The following TNR variants were observed in gnomAD, a reference collection of about 807,000 sequenced individuals.
TNR encodes tenascin R.
A neutral mutation model predicts 150.4 loss-of-function variants in TNR; 45 were observed. The observed-to-expected ratio is 0.30, with a 90% CI of 0.24 to 0.38. The LOEUF is 0.38. TNR is among the 10% of genes least tolerant of loss of function. TNR has a pLI of 1.00. For synonymous variants in TNR, 687 were observed against 678.4 expected (o/e 1.01, Z -0.20); for missense variants, 1,544 against 1,759.1 (o/e 0.88, Z 2.19).
chr1:175,489,383 G>A (rs1235533163), intron 2 of TNR, among the ~76,000 whole-genome samples: 1 of 152,206 alleles, frequency 6.6e-6, no homozygotes, highest in Non-Finnish European at 1.5e-5. Flanking sequence ...ATCCTCGATG[G>A]GGAAAAGTTA....
intron 1 of TNR, among the ~76,000 whole-genome samples, chr1:175,598,105 G>A (rs889562689): frequency 6.6e-6 from 1 of 152,162 alleles, no homozygotes; most frequent in Non-Finnish European, 1.5e-5. Flanking sequence ...ATATAAGGCA[G>A]TAAGGCAAGG....
Position 175,426,917 on chromosome 1 carries a change from A to T in TNR, c.-63-20140T>A, listed in dbSNP as rs867066344. On this transcript the variant is annotated intron_variant, in intron 2 of 22. Coordinates refer to ENST00000367674, the MANE Select transcript of TNR (RefSeq NM_003285.3). The stretch of plus-strand genomic sequence containing the variant: ...ATATATAAAATATATTATATATATA[A>T]AATATAAATATATATAAAATATATT... Among the ~76,000 whole-genome samples, 68 of 80,316 alleles carry T rather than the reference A, an allele frequency of 8.5e-4. 6 individuals are homozygous for T. Among genetic ancestry groups the T allele is most frequent in the African/African-American group, 3.1e-3 (58 of 18,918 alleles). The allele number at this position is 80,316 out of a possible 152,430, so 52.7% of individuals were successfully genotyped here. A position where few individuals can be genotyped will look rare whatever the true frequency, so the allele number is the denominator to read the frequency against.
At chr1:175,536,474 T>G (rs1273665168) in intron 1 of TNR, among the ~76,000 whole-genome samples, 1 of 152,216 alleles carries the variant, frequency 6.6e-6, no homozygotes, top group Non-Finnish European at 1.5e-5. Flanking sequence ...GTCAGGAAAC[T>G]GAGACACAAA....
chr1:175,621,091 T>C (rs1318851528), intron 1 of TNR, among the ~76,000 whole-genome samples: 1 of 152,200 alleles, frequency 6.6e-6, no homozygotes, highest in South Asian at 2.1e-4. Context: ...GCCATCGTCC[T>C]TGACTGTTAA....
intron 2 of TNR, among the ~76,000 whole-genome samples, chr1:175,515,256 G>A (rs1659358242): frequency 6.6e-6 from 1 of 152,156 alleles, no homozygotes; most frequent in Non-Finnish European, 1.5e-5. Context: ...GACAATATAA[G>A]GTGAAACACT....
At chr1:175,717,492 T>A (rs1299704675) in intron 1 of TNR, among the ~76,000 whole-genome samples, 1 of 152,238 alleles carries the variant, frequency 6.6e-6, no homozygotes, top group African/African-American at 2.4e-5. Flanking sequence ...ACAGCGATTT[T>A]TGCCCTTCAT....
chr1:175,491,795 A>G (rs1005258118), intron 2 of TNR, among the ~76,000 whole-genome samples: 9 of 151,818 alleles, frequency 5.9e-5, no homozygotes, highest in East Asian at 1.9e-4. Context: ...GACTATAGGC[A>G]CCCACCACCA....
At chr1:175,383,085 C>T (rs1352845950) in intron 8 of TNR, among the ~76,000 whole-genome samples, 2 of 151,986 alleles carry the variant, frequency 1.3e-5, no homozygotes, top group Non-Finnish European at 2.9e-5. Context: ...CGATCTCGGC[C>T]TTCATCTTCA....
At chr1:175,435,888 C>T (rs181021989) in intron 2 of TNR, among the ~76,000 whole-genome samples, 13 of 152,276 alleles carry the variant, frequency 8.5e-5, no homozygotes, top group Middle Eastern at 6.8e-3. Context: ...ATTTCTCCTT[C>T]ACTTATGAAG....
Position 175,379,725 on chromosome 1 carries a change from G to T in TNR, c.1790C>A (p.Pro597His). 1 of 1,614,078 alleles carries T rather than the reference G, an allele frequency of 6.2e-7. No homozygotes were observed. The highest frequency in any genetic ancestry group is 1.1e-5 in the South Asian group (1 of 91,054). ...TTQFTTEIDA[P>H]KNLRVGSRTA... Reference sequence around the variant, plus strand: ...GCGAGAACCAACTCGCAAGTTCTTGGGGGCATCGATCTCTAAAAATAGACA... The same window carrying T: ...GCGAGAACCAACTCGCAAGTTCTTGTGGGCATCGATCTCTAAAAATAGACA... Residue 597 changes from proline (P) to histidine (H), a missense_variant, in exon 9 of 23, where the codon CCC becomes CAC. Pro to His is a moderately conservative substitution (Grantham distance 77, BLOSUM62 -2). Around this residue, in one of 2 missense-constraint regions of TNR, gnomAD observed 1,254 missense variants for 1,329.4 expected, o/e 0.94. Coordinates refer to ENST00000367674, the MANE Select transcript of TNR (RefSeq NM_003285.3).
intron 1 of TNR, among the ~76,000 whole-genome samples, chr1:175,619,739 T>A (rs1369554802): frequency 1.3e-5 from 2 of 152,200 alleles, no homozygotes; most frequent in South Asian, 2.1e-4. Flanking sequence ...CCAGGAAAAG[T>A]ACCCAGGTCA....
At chr1:175,391,573 G>T in intron 6 of TNR, 135 bp from the exon 7 acceptor site, 1 of 961,336 alleles carries the variant, frequency 1.0e-6, no homozygotes. Flanking sequence ...TTTCCTCCAT[G>T]CTGACAGCTG....
chr1:175,712,180 C>A (rs1430210838), intron 1 of TNR, among the ~76,000 whole-genome samples: 1 of 152,154 alleles, frequency 6.6e-6, no homozygotes. Flanking sequence ...CCCCATGAAG[C>A]AGCTACCAGA....
At chr1:175,645,550 C>T (rs1664787242) in intron 1 of TNR, among the ~76,000 whole-genome samples, 1 of 152,212 alleles carries the variant, frequency 6.6e-6, no homozygotes, top group Non-Finnish European at 1.5e-5. Flanking sequence ...TGGACAATAT[C>T]TTCCACAACA....
intron 7 of TNR, among the ~76,000 whole-genome samples, chr1:175,389,002 T>A (rs1221910130): frequency 6.6e-6 from 1 of 152,252 alleles, no homozygotes; most frequent in Admixed American, 6.5e-5. Context: ...ATGAACCATC[T>A]TCTCCTTTTA....
chr1:175,689,708 C>T (rs1666303127), intron 1 of TNR, among the ~76,000 whole-genome samples: 1 of 152,180 alleles, frequency 6.6e-6, no homozygotes, highest in Non-Finnish European at 1.5e-5. Flanking sequence ...TATTTATGCA[C>T]ATTTTAATGG....
intron 2 of TNR, among the ~76,000 whole-genome samples, chr1:175,417,934 C>G (rs748256073): frequency 5.9e-5 from 9 of 152,108 alleles, no homozygotes; most frequent in Admixed American, 4.6e-4. Flanking sequence ...AAGTTCAGCT[C>G]TAGTGGTCTA....
At chr1:175,435,055 A>G (rs1655439942) in intron 2 of TNR, among the ~76,000 whole-genome samples, 1 of 152,204 alleles carries the variant, frequency 6.6e-6, no homozygotes, top group African/African-American at 2.4e-5. Context: ...CTTAAGGACA[A>G]GGACTTAATT....
At chr1:175,363,957 GGGTATCTTAAAACCAT>G in intron 12 of TNR, 130 bp from the exon 13 acceptor site, 1 of 1,156,674 alleles carries the variant, frequency 8.6e-7, no homozygotes, top group South Asian at 1.7e-5. Context: ...CCATGTAATA[GGGTATCTTAAAACCAT>G]GGTCACGCTG....
Sources: allele counts gnomAD v4.1 joint callset (sites outside exome capture counted in the v4.1 genomes callset), GRCh38; gene constraint gnomAD v4.1.1; regional missense constraint gnomAD v4.1.1; transcripts MANE v1.5; gene names NCBI Gene and HGNC (gene_info 2026-07-23, HGNC 2026-07-21).